NUP153: variants seen among roughly 807,000 people sequenced by gnomAD.
The protein encoded by NUP153 is nuclear pore complex protein Nup153.
Under a neutral mutation model 134.6 loss-of-function variants are expected in NUP153, and 27 were observed. The observed-to-expected ratio is 0.20, with a 90% CI of 0.15 to 0.28. The LOEUF (loss-of-function observed/expected upper bound fraction) is 0.28, where lower values mean the gene tolerates loss of function less well. Among genes scored for constraint, NUP153 ranks in the 10% least tolerant of loss-of-function variants. The pLI is 1.00. For synonymous variants in NUP153, 640 were observed against 623.5 expected, an observed-to-expected ratio of 1.03 and a Z score of -0.40; for missense variants, 1,821 against 1,731.3, an observed-to-expected ratio of 1.05 and a Z score of -0.92.
chr6:17,691,736 A>T (rs1479251616), intron 1 of NUP153, among the ~76,000 whole-genome samples: 2 of 151,988 alleles, frequency 1.3e-5, no homozygotes, highest in Non-Finnish European at 2.9e-5. Flanking sequence ...ACACAGCGAG[A>T]CTCCAGCTCA....
chr6:17,650,475 G>A (rs1200614181), intron 11 of NUP153, among the ~76,000 whole-genome samples: 1 of 152,196 alleles, frequency 6.6e-6, no homozygotes, highest in Non-Finnish European at 1.5e-5. Context: ...AAAAGTTTCA[G>A]CTGCTGCCTA....
At position 17,618,459 on chromosome 6, in the gene NUP153, G is replaced by T. The variant is rs75217959; in HGVS notation, c.4175-1764C>A. 8.0e-3 allele frequency among the ~76,000 whole-genome samples: 1,209 copies of T among 151,944 alleles called. 10 individuals carry two copies. Among genetic ancestry groups the T allele is most frequent in the African/African-American group, 0.026 (1,063 of 41,342 alleles). On this transcript the variant is annotated intron_variant, in intron 20 of 21. Coordinates refer to ENST00000262077, the MANE Select transcript of NUP153 (RefSeq NM_005124.4). ...TCTTTAATGAATACTTCATCCACTG[G>T]AGAGTTGGGTGGGGGGGAACCCAGA...
chr6:17,690,424 A>C (rs2113852818), intron 1 of NUP153, among the ~76,000 whole-genome samples: 1 of 152,306 alleles, frequency 6.6e-6, no homozygotes, highest in Non-Finnish European at 1.5e-5. Flanking sequence ...CCTAGGGTAA[A>C]ATTGGAGGAC....
chr6:17,678,425 T>C (rs532582010), intron 2 of NUP153, among the ~76,000 whole-genome samples: 58 of 151,420 alleles, frequency 3.8e-4, no homozygotes, highest in African/African-American at 1.3e-3. Context: ...AGTAACAGTT[T>C]CTAAACTCCA....
chr6:17,615,809 C>T lies in NUP153; in HGVS notation c.*288G>A, dbSNP rs1395775706. ...TATACAAAGCCATTCACCGTGCAGG[C>T]TCCATTCCTGGGTACAGCCAGACTA... On this transcript the variant is annotated 3_prime_UTR_variant, in exon 22 of 22. Coordinates refer to ENST00000262077, the MANE Select transcript of NUP153 (RefSeq NM_005124.4). This position sits in a 1 kb window ranked among gnomAD's most constrained non-coding sequence, Gnocchi z 5.7. 2.9e-6 allele frequency: 1 copy of T among 345,368 alleles called. No individual in the cohort carries two copies. Among genetic ancestry groups the T allele is most frequent in the Admixed American group, 4.6e-5 (1 of 21,938 alleles). The allele number at this position is 345,368 out of a possible 1,614,324, so 21.4% of individuals were successfully genotyped here.
intron 20 of NUP153, 88 bp downstream of exon 20, chr6:17,624,473 G>A (rs1764815353): frequency 4.0e-6 from 5 of 1,239,130 alleles, no homozygotes; most frequent in Admixed American, 4.3e-5. Flanking sequence ...TTTAAAATTA[G>A]ACATATGAAT....
rs541986664 is a variant in NUP153 at position 17,654,913 on chromosome 6, G to C, written c.1396-5613C>G. ...GCTATTAAGTGGCAGAAATCTTACA[G>C]ACATGAACACAATATTTATTCTTAT... On this transcript the variant is annotated intron_variant, in intron 11 of 21. Coordinates refer to ENST00000262077, the MANE Select transcript of NUP153 (RefSeq NM_005124.4). Among the ~76,000 whole-genome samples the C allele has an allele frequency of 5.3e-5, 8 of 152,226 alleles. No individual in the cohort carries two copies. In the South Asian group the frequency reaches 6.2e-4, roughly 12 times the overall value.
At chr6:17,642,389 C>G (rs1765883370) in intron 14 of NUP153, among the ~76,000 whole-genome samples, 1 of 152,044 alleles carries the variant, frequency 6.6e-6, no homozygotes, top group African/African-American at 2.4e-5. Flanking sequence ...ACAAACTGTT[C>G]AATGGGTAAA....
chr6:17,703,197 CAAA>C (rs544859988), intron 1 of NUP153, among the ~76,000 whole-genome samples: 2 of 67,722 alleles, frequency 3.0e-5, no homozygotes, highest in South Asian at 4.7e-4. Context: ...GACTCCATCT[CAAA>C]AAAAAAAAAA....
In NUP153 at chr6:17,675,400, A is replaced by T. The variant is rs751025482; in HGVS notation, c.584-32T>A. 1.2e-6 allele frequency: 2 copies of T among 1,600,794 alleles called. No homozygotes were observed. The highest frequency in any genetic ancestry group is 1.7e-6 in the Non-Finnish European group (2 of 1,172,168). On this transcript the variant is annotated intron_variant, in intron 3 of 21. Transcript: ENST00000262077. The surrounding 1 kb of genome is among the most constrained non-coding windows in gnomAD (Gnocchi z 4.4). ...CAAAATTACATAATCCATAGTAATAACACCAATACAAGAGCCTAGATTTTT... is the reference window on the plus strand; with the variant it reads ...CAAAATTACATAATCCATAGTAATATCACCAATACAAGAGCCTAGATTTTT...
intron 1 of NUP153, among the ~76,000 whole-genome samples, chr6:17,703,564 T>C (rs1770261599): frequency 6.6e-6 from 1 of 151,946 alleles, no homozygotes; most frequent in Non-Finnish European, 1.5e-5. Context: ...AAACATCCAG[T>C]TGACAGCCTA....
Position 17,652,426 on chromosome 6 carries a change from T to C in NUP153, c.1396-3126A>G, listed in dbSNP as rs192850986. 2.2e-3 allele frequency among the ~76,000 whole-genome samples: 332 copies of C among 151,900 alleles called. 1 individual carries two copies. Among genetic ancestry groups the C allele is most frequent in the Middle Eastern group, 6.8e-3 (2 of 294 alleles). On this transcript the variant is annotated intron_variant, in intron 11 of 21. Coordinates refer to ENST00000262077, the MANE Select transcript of NUP153 (RefSeq NM_005124.4). Reference sequence around the variant, plus strand: ...AATACATTTCTAAATAATCCATGGGTCAAATACAAAAATCAAAAGAAATTA... The same window carrying C: ...AATACATTTCTAAATAATCCATGGGCCAAATACAAAAATCAAAAGAAATTA...
intron 13 of NUP153, among the ~76,000 whole-genome samples, chr6:17,646,927 T>TTC: frequency 6.7e-6 from 1 of 150,102 alleles, no homozygotes; most frequent in East Asian, 2.0e-4. Context: ...TCTTTTTTTT[T>TTC]TTTTTTTTTA....
chr6:17,661,877 G>T, intron 10 of NUP153, 98 bp from the exon 11 acceptor site: 1 of 1,287,098 alleles, frequency 7.8e-7, no homozygotes, highest in Non-Finnish European at 1.1e-6. Context: ...ATATACAGCT[G>T]AACGTGATTC....
At chr6:17,690,423 A>G (rs1769207677) in intron 1 of NUP153, among the ~76,000 whole-genome samples, 1 of 152,170 alleles carries the variant, frequency 6.6e-6, no homozygotes, top group Non-Finnish European at 1.5e-5. Flanking sequence ...ACCTAGGGTA[A>G]AATTGGAGGA....
Position 17,628,726 on chromosome 6 carries a change from G to C in NUP153, c.3473C>G (p.Pro1158Arg). 6.2e-7 allele frequency: 1 copy of C among 1,613,916 alleles called. No individual in the cohort carries two copies. The highest frequency in any genetic ancestry group is 1.3e-5 in the African/African-American group (1 of 75,006). ...KSTFSFSMTK[P>R]SEKESEQPAK... ...TGGCTGTTCAGATTCCTTCTCAGAT[G>C]GTTTTGTCATACTAAAACTAAATGT... Residue 1158 changes from proline (P) to arginine (R), a missense_variant, in exon 18 of 22, where the codon CCA becomes CGA. Transcript: ENST00000262077. The surrounding 1 kb of genome is among the most constrained non-coding windows in gnomAD (Gnocchi z 5.4).
chr6:17,674,982 A>G lies in NUP153; in HGVS notation c.775T>C (p.Phe259Leu). ...LKTSQLGDSPFYPGKTTYGGA... is the reference protein window; with the variant it reads ...LKTSQLGDSPLYPGKTTYGGA... ...CCGTATGTTGTTTTTCCAGGATAAAAAGGAGAATCTCCAAGCTGACTGGTT... is the reference window on the plus strand; with the variant it reads ...CCGTATGTTGTTTTTCCAGGATAAAGAGGAGAATCTCCAAGCTGACTGGTT... Residue 259 changes from phenylalanine to leucine, a missense_variant, in exon 5 of 22, where the codon TTT becomes CTT. Coordinates refer to ENST00000262077, the MANE Select transcript of NUP153 (RefSeq NM_005124.4). 1 of 1,613,780 alleles carries G rather than the reference A, an allele frequency of 6.2e-7. No homozygotes were observed. Among genetic ancestry groups the G allele is most frequent in the South Asian group, 1.1e-5 (1 of 91,068 alleles).
At chr6:17,670,095 CAAAAAAAAA>C (rs71002244) in intron 5 of NUP153, among the ~76,000 whole-genome samples, 25 of 65,158 alleles carry the variant, frequency 3.8e-4, no homozygotes, top group African/African-American at 5.1e-4. Context: ...GACTCTTTCT[CAAAAAAAAA>C]AAAAAAAAAA....
At chr6:17,686,906 G>A (rs1768968710) in intron 2 of NUP153, among the ~76,000 whole-genome samples, 1 of 134,532 alleles carries the variant, frequency 7.4e-6, no homozygotes, top group Non-Finnish European at 1.6e-5. Flanking sequence ...GGGGAGGGGG[G>A]CGGGGAGTGG....
Sources: allele counts gnomAD v4.1 joint callset (sites outside exome capture counted in the v4.1 genomes callset), GRCh38; gene constraint gnomAD v4.1.1; non-coding constraint Gnocchi (gnomAD v3.1); transcripts MANE v1.5; gene names NCBI Gene and HGNC (gene_info 2026-07-23, HGNC 2026-07-21).